The following NSD2 variants were observed in gnomAD, a reference collection of about 807,000 sequenced individuals.
The protein encoded by NSD2 is histone-lysine N-methyltransferase NSD2.
In NSD2, 12 loss-of-function variants were observed where a neutral mutation model predicts 139.0. The observed-to-expected ratio is 0.09, with a 90% CI of 0.06 to 0.14. The LOEUF (loss-of-function observed/expected upper bound fraction) is 0.14, where lower values mean the gene tolerates loss of function less well. Among genes scored for constraint, NSD2 ranks in the 10% least tolerant of loss-of-function variants. The pLI is 1.00. For synonymous variants in NSD2, 669 were observed against 648.7 expected (o/e 1.03, Z -0.48); for missense variants, 1,155 against 1,745.0 (o/e 0.66, Z 6.02).
At chr4:1,978,576 C>T (rs1184947012) in intron 21 of NSD2, 62 bp from the exon 22 acceptor site, 10 of 1,543,388 alleles carry the variant, frequency 6.5e-6, no homozygotes, top group African/African-American at 2.7e-5. Flanking sequence ...TCTTCAACCA[C>T]GATAATGTTG....
chr4:1,955,556 G>T lies in NSD2; in HGVS notation c.2519-137G>T, dbSNP rs79111758. 6 of 1,257,380 alleles carry T rather than the reference G, an allele frequency of 4.8e-6. No homozygotes were observed. The South Asian group carries it at 4.8e-5, about 10-fold the overall frequency. The allele number at this position is 1,257,380 out of a possible 1,614,324, so 77.9% of individuals were successfully genotyped here. On this transcript the variant is annotated intron_variant, in intron 13 of 21. Coordinates refer to ENST00000508803, the MANE Select transcript of NSD2 (RefSeq NM_001042424.3). The surrounding 1 kb of genome is among the most constrained non-coding windows in gnomAD (Gnocchi z 4.7). ...TGTGGTGAAAATGACATTTGCTCTC[G>T]TGCTGATGTACAGATCGCTGTTTTA...
Position 1,978,779 on chromosome 4 carries a change from G to T in NSD2, c.3968G>T (p.Cys1323Phe). The change falls in exon 22 of 22, where the codon TGC becomes TTC. Residue 1323 changes from cysteine (C) to phenylalanine (F), a missense_variant. Around this residue, in one of 8 missense-constraint regions of NSD2, gnomAD observed 132 missense variants for 94.3 expected, o/e 1.40. Coordinates refer to ENST00000508803, the MANE Select transcript of NSD2 (RefSeq NM_001042424.3). ...FSCTPDGRSYCCEHDLGAASV... is the reference protein window; with the variant it reads ...FSCTPDGRSYFCEHDLGAASV... ...TGCACCCCGGACGGGCGGTCCTACT[G>T]CTGTGAGCATGACTTAGGGGCGGCA... 6.2e-7 allele frequency: 1 copy of T among 1,614,006 alleles called. No homozygotes were observed. Among genetic ancestry groups the T allele is most frequent in the Non-Finnish European group, 8.5e-7 (1 of 1,179,898 alleles).
At chr4:1,891,132 A>T (rs1217841011) in intron 1 of NSD2, among the ~76,000 whole-genome samples, 1 of 152,104 alleles carries the variant, frequency 6.6e-6, no homozygotes, top group Non-Finnish European at 1.5e-5. Flanking sequence ...GGGCTCAAGC[A>T]ATCCTTCTGC....
In NSD2 at chr4:1,976,686, G is replaced by A; in HGVS notation, c.3826+7G>A. 1 of 1,563,578 alleles carries A rather than the reference G, an allele frequency of 6.4e-7. No individual in the cohort carries two copies. The highest frequency in any genetic ancestry group is 8.7e-7 in the Non-Finnish European group (1 of 1,154,036). On this transcript the variant is annotated splice_region_variant and intron_variant, in intron 21 of 21. Coordinates refer to ENST00000508803, the MANE Select transcript of NSD2 (RefSeq NM_001042424.3). The surrounding 1 kb of genome is among the most constrained non-coding windows in gnomAD (Gnocchi z 5.3). ...CTTGGCAAGCGGCCCTTCGGTGGGT[G>A]TGCAGCCTCGCGGTGGCTTGCAGCT...
chr4:1,872,617 A>AGC (rs1560534006), intron 1 of NSD2, among the ~76,000 whole-genome samples: 1 of 145,846 alleles, frequency 6.9e-6, no homozygotes, highest in African/African-American at 2.5e-5. Flanking sequence ...AGAGAGAGAG[A>AGC]GAGAGAGAGA....
intron 12 of NSD2, among the ~76,000 whole-genome samples, chr4:1,954,115 G>A (rs552432239): frequency 2.0e-5 from 3 of 152,008 alleles, no homozygotes. Flanking sequence ...CCCTTCAGTA[G>A]CTGGGATTAC....
chr4:1,941,355 A>G (rs950100167), intron 9 of NSD2: 60 of 1,051,686 alleles, frequency 5.7e-5, no homozygotes, highest in Non-Finnish European at 6.7e-5. Context: ...GAGAACATGG[A>G]GCCTGCTGAG....
intron 1 of NSD2, among the ~76,000 whole-genome samples, chr4:1,882,355 T>C (rs1714762988): frequency 1.3e-5 from 2 of 152,150 alleles, no homozygotes; most frequent in African/African-American, 4.8e-5. Context: ...CAAACGGATA[T>C]GTACTATGGG....
chr4:1,923,118 C>T (rs921523426), intron 5 of NSD2, among the ~76,000 whole-genome samples: 6 of 151,830 alleles, frequency 4.0e-5, no homozygotes, highest in Non-Finnish European at 8.8e-5. Flanking sequence ...AGCTTTGTCA[C>T]CATGGGAGAG....
At chr4:1,927,085 T>C (rs1721002698) in intron 5 of NSD2, among the ~76,000 whole-genome samples, 2 of 152,198 alleles carry the variant, frequency 1.3e-5, no homozygotes, top group Non-Finnish European at 2.9e-5. Flanking sequence ...GAGGATCTGC[T>C]TCCAGGGTAC....
rs1424067803 is a variant in NSD2, at chr4:1,976,589, G to A, written c.3736G>A (p.Gly1246Ser). 6 of 1,611,970 alleles carry A rather than the reference G, an allele frequency of 3.7e-6. No individual in the cohort carries two copies. Among genetic ancestry groups the A allele is most frequent in the East Asian group, 4.5e-5 (2 of 44,806 alleles). Residue 1246 changes from glycine to serine, a missense_variant, in exon 21 of 22, where the codon GGT becomes AGT. Transcript: ENST00000508803. This position sits in a 1 kb window ranked among gnomAD's most constrained non-coding sequence, Gnocchi z 5.3. ...RQSEDECFRCGDGGQLVLCDR... is the reference protein window; with the variant it reads ...RQSEDECFRCSDGGQLVLCDR... ...GTCAGAGGACGAGTGCTTCCGCTGCGGTGATGGCGGGCAGCTGGTGCTGTG... is the reference window on the plus strand; with the variant it reads ...GTCAGAGGACGAGTGCTTCCGCTGCAGTGATGGCGGGCAGCTGGTGCTGTG...
At chr4:1,977,593 T>C (rs1453503723) in intron 21 of NSD2, among the ~76,000 whole-genome samples, 2 of 151,896 alleles carry the variant, frequency 1.3e-5, no homozygotes, top group Non-Finnish European at 2.9e-5. Flanking sequence ...CTGACCAACA[T>C]GGTGAAACCC....
intron 6 of NSD2, 40 bp downstream of exon 6, chr4:1,930,810 A>T: frequency 6.3e-7 from 1 of 1,593,902 alleles, no homozygotes; most frequent in Non-Finnish European, 8.5e-7. Flanking sequence ...GCTTGGGTTG[A>T]TGTGTGTAGT....
At chr4:1,938,382 TTTTTCCTTTTTTTC>T in intron 7 of NSD2, 55 bp from the exon 8 acceptor site, 5 of 1,254,122 alleles carry the variant, frequency 4.0e-6, no homozygotes, top group South Asian at 1.8e-5. Context: ...TTTTTCTTTT[TTTTTCCTTTTTTTC>T]TTTTCTTTTT....
At chr4:1,907,762 G>A (rs1056042263) in intron 3 of NSD2, among the ~76,000 whole-genome samples, 10 of 151,740 alleles carry the variant, frequency 6.6e-5, no homozygotes, top group African/African-American at 1.9e-4. Flanking sequence ...ACAGGTGCAC[G>A]CCACCACACC....
At position 1,981,023 on chromosome 4, in the gene NSD2, A is replaced by G. The variant is rs1049875098; in HGVS notation, c.*2114A>G. 1.7e-5 allele frequency: 4 copies of G among 233,010 alleles called. No homozygotes were observed. Among genetic ancestry groups the G allele is most frequent in the Non-Finnish European group, 2.5e-5 (3 of 117,946 alleles). The allele number at this position is 233,010 out of a possible 1,614,324, so 14.4% of individuals were successfully genotyped here. Reference sequence around the variant, plus strand: ...CCTTCCGGCAGGTAAGGGACTACCAATGCTTACGTCAAAACAGCAGAATCG... The same window carrying G: ...CCTTCCGGCAGGTAAGGGACTACCAGTGCTTACGTCAAAACAGCAGAATCG... On this transcript the variant is annotated 3_prime_UTR_variant, in exon 22 of 22. Coordinates refer to ENST00000508803, the MANE Select transcript of NSD2 (RefSeq NM_001042424.3).
Position 1,974,941 on chromosome 4 carries a change from C to T in NSD2, c.3451C>T (p.Leu1151Phe), listed in dbSNP as rs1251315025. 1.2e-6 allele frequency: 2 copies of T among 1,614,088 alleles called. No homozygotes were observed. The highest frequency in any genetic ancestry group is 1.7e-5 in the Admixed American group (1 of 60,006). ...CAGCTGCCAGCCCAACTGTGAGACC[C>T]TCAAGTGGACAGTGAATGGGGACAC... ...NHSCQPNCET[L>F]KWTVNGDTRV... The change falls in exon 19 of 22, where the codon CTC becomes TTC. Residue 1151 changes from leucine (L) to phenylalanine (F), a missense_variant. Coordinates refer to ENST00000508803, the MANE Select transcript of NSD2 (RefSeq NM_001042424.3). This position sits in a 1 kb window ranked among gnomAD's most constrained non-coding sequence, Gnocchi z 4.0.
At position 1,948,221 on chromosome 4, in the gene NSD2, G is replaced by T; in HGVS notation, c.1882-2851G>T. The T allele has an allele frequency of 1.9e-6, 2 of 1,064,140 alleles. No individual in the cohort carries two copies. The highest frequency in any genetic ancestry group is 2.3e-6 in the Non-Finnish European group (2 of 878,260). The allele number at this position is 1,064,140 out of a possible 1,614,324, so 65.9% of individuals were successfully genotyped here. A position where few individuals can be genotyped will look rare whatever the true frequency, so the allele number is the denominator to read the frequency against. On this transcript the variant is annotated intron_variant, in intron 9 of 21. Transcript: ENST00000508803. The surrounding 1 kb of genome is among the most constrained non-coding windows in gnomAD (Gnocchi z 4.5). ...GCCGCAGCATGGCTGTGGTGGACGC[G>T]GGAAACAACGGGAAAGTTCTTGACA...
At position 1,955,219 on chromosome 4, in the gene NSD2, G is replaced by C. The variant is rs1429995608; in HGVS notation, c.2397G>C (p.Leu799=). Residue 799 remains leucine, a synonymous_variant, in exon 13 of 22, where the codon CTG becomes CTC. Coordinates refer to ENST00000508803, the MANE Select transcript of NSD2 (RefSeq NM_001042424.3). The surrounding 1 kb of genome is among the most constrained non-coding windows in gnomAD (Gnocchi z 4.7). ...PVAYHSGDAC[L]AAGCSVIASN... Reference sequence around the variant, plus strand: ...CCTATCACAGCGGGGATGCTTGTCTGGCAGCAGGATGCTCAGTGATCGCCT... The same window carrying C: ...CCTATCACAGCGGGGATGCTTGTCTCGCAGCAGGATGCTCAGTGATCGCCT... 6.2e-7 allele frequency: 1 copy of C among 1,614,152 alleles called. No homozygotes were observed.
Sources: gnomAD v4.1 joint callset for allele counts (sites outside exome capture counted in the v4.1 genomes callset) on GRCh38, gnomAD v4.1.1 for gene constraint, gnomAD v4.1.1 regional missense constraint, Gnocchi (gnomAD v3.1) non-coding constraint, MANE v1.5 for transcripts, NCBI Gene and HGNC (gene_info 2026-07-23, HGNC 2026-07-21) for gene names.